The following CNOT4 variants were observed in gnomAD, a reference collection of about 807,000 sequenced individuals.
CNOT4 encodes CCR4-associated factor 4.
In CNOT4, 8 loss-of-function variants were observed where a neutral mutation model predicts 73.8. The ratio of observed to expected loss-of-function variants is 0.11; its 90% CI spans 0.06 to 0.20. CNOT4 has a LOEUF of 0.20. CNOT4 is among the 10% of genes least tolerant of loss of function. The pLI is 1.00. For synonymous variants in CNOT4, 293 were observed against 321.1 expected (o/e 0.91, Z 0.94); for missense variants, 564 against 883.4 (o/e 0.64, Z 4.58).
intron 1 of CNOT4, among the ~76,000 whole-genome samples, chr7:135,492,888 T>C (rs951976267): frequency 1.3e-5 from 2 of 152,250 alleles, no homozygotes; most frequent in African/African-American, 4.8e-5. Flanking sequence ...AGAGGGACCA[T>C]AGTGATATAT....
intron 1 of CNOT4, among the ~76,000 whole-genome samples, chr7:135,479,393 T>C (rs1303092044): frequency 6.6e-6 from 1 of 151,200 alleles, no homozygotes; most frequent in Non-Finnish European, 1.5e-5. Flanking sequence ...ATTTCTTTAG[T>C]AGAGACAGGG....
intron 4 of CNOT4, 55 bp downstream of exon 4, chr7:135,415,121 C>G: frequency 9.8e-7 from 1 of 1,020,136 alleles, no homozygotes; most frequent in Non-Finnish European, 1.5e-6. Context: ...TTGGAACAGC[C>G]CAGGTCAAGC....
chr7:135,397,299 T>C (rs1448884927), intron 8 of CNOT4, among the ~76,000 whole-genome samples: 2 of 152,092 alleles, frequency 1.3e-5, no homozygotes, highest in Admixed American at 6.5e-5. Context: ...AACATTATGA[T>C]GGGATATCAA....
chr7:135,451,166 A>G (rs1800137813), intron 1 of CNOT4, among the ~76,000 whole-genome samples: 1 of 152,226 alleles, frequency 6.6e-6, no homozygotes, highest in African/African-American at 2.4e-5. Context: ...ATGTCTATCA[A>G]TAGGAAAGGC....
At chr7:135,367,148 G>A (rs1215888466) in intron 10 of CNOT4, among the ~76,000 whole-genome samples, 1 of 152,212 alleles carries the variant, frequency 6.6e-6, no homozygotes, top group Non-Finnish European at 1.5e-5. Flanking sequence ...GTCTTTAGAC[G>A]TTGAAAATGT....
rs117906866 is a variant in CNOT4, at chr7:135,366,854, T to C, written c.1628-2788A>G. On this transcript the variant is annotated intron_variant, in intron 10 of 11. Coordinates refer to ENST00000541284, the MANE Select transcript of CNOT4 (RefSeq NM_001190850.2). The stretch of plus-strand genomic sequence containing the variant: ...GGAAATCAGCTTAATCCTAATCCCA[T>C]CAAAATAGCTCATCTCAGTCCGGCC... Among the ~76,000 whole-genome samples the C allele has an allele frequency of 7.3e-3, 1,116 of 152,286 alleles. 6 individuals carry two copies. Among genetic ancestry groups the C allele is most frequent in the Middle Eastern group, 0.027 (8 of 294 alleles).
chr7:135,474,199 T>TG (rs1369183243), intron 1 of CNOT4, among the ~76,000 whole-genome samples: 1 of 151,646 alleles, frequency 6.6e-6, no homozygotes, highest in African/African-American at 2.4e-5. Flanking sequence ...AGGCTGGTCT[T>TG]GAACTCTTGA....
intron 6 of CNOT4, among the ~76,000 whole-genome samples, chr7:135,410,966 G>C (rs1381204819): frequency 6.6e-6 from 1 of 151,808 alleles, no homozygotes; most frequent in South Asian, 2.1e-4. Flanking sequence ...ATTTTTGCTA[G>C]CTCAAAAAGT....
At chr7:135,411,773 A>G (rs1797600174) in intron 6 of CNOT4, among the ~76,000 whole-genome samples, 1 of 151,990 alleles carries the variant, frequency 6.6e-6, no homozygotes, top group African/African-American at 2.4e-5. Flanking sequence ...AAGTGAGGGC[A>G]ATTGCACTTA....
intron 2 of CNOT4, among the ~76,000 whole-genome samples, chr7:135,433,286 A>G (rs1798954983): frequency 6.7e-6 from 1 of 149,590 alleles, no homozygotes; most frequent in African/African-American, 2.5e-5. Flanking sequence ...TTTTGCTATT[A>G]TATTTTAATT....
At chr7:135,472,977 G>A (rs1485386109) in intron 1 of CNOT4, among the ~76,000 whole-genome samples, 1 of 151,860 alleles carries the variant, frequency 6.6e-6, no homozygotes, top group East Asian at 1.9e-4. Flanking sequence ...GGAGGCCGAG[G>A]GTGCAGTGCG....
chr7:135,393,605 A>G (rs939300926), intron 10 of CNOT4, among the ~76,000 whole-genome samples: 1 of 152,176 alleles, frequency 6.6e-6, no homozygotes, highest in Non-Finnish European at 1.5e-5. Flanking sequence ...ACTTTATAGT[A>G]CCATAACTTC....
intron 2 of CNOT4, among the ~76,000 whole-genome samples, chr7:135,432,647 T>C (rs770528243): frequency 3.9e-5 from 6 of 152,220 alleles, no homozygotes; most frequent in Non-Finnish European, 7.3e-5. Flanking sequence ...GGATCTCCTG[T>C]TTCCTTTATC....
intron 1 of CNOT4, among the ~76,000 whole-genome samples, chr7:135,451,335 C>T (rs1487611684): frequency 1.3e-5 from 2 of 152,042 alleles, no homozygotes; most frequent in East Asian, 3.9e-4. Context: ...CATTCTGTAC[C>T]CCAGGCTGGA....
chr7:135,370,602 T>A (rs1164527631), intron 10 of CNOT4, among the ~76,000 whole-genome samples: 2 of 152,204 alleles, frequency 1.3e-5, no homozygotes, highest in Non-Finnish European at 2.9e-5. Flanking sequence ...AAAAGCCTGA[T>A]GGGGACATCC....
intron 10 of CNOT4, chr7:135,388,350 T>G: frequency 2.0e-6 from 2 of 984,082 alleles, no homozygotes; most frequent in South Asian, 4.7e-5. Flanking sequence ...TATTCTTTCT[T>G]CTCAAGTATT....
intron 1 of CNOT4, among the ~76,000 whole-genome samples, chr7:135,443,401 T>C (rs892281927): frequency 6.6e-6 from 1 of 150,870 alleles, no homozygotes; most frequent in African/African-American, 2.4e-5. Flanking sequence ...ATCCTCACAG[T>C]GACTTGGTAA....
chr7:135,469,341 T>C (rs1254247053), intron 1 of CNOT4, among the ~76,000 whole-genome samples: 5 of 152,148 alleles, frequency 3.3e-5, no homozygotes, highest in African/African-American at 1.2e-4. Flanking sequence ...GAATGAACAA[T>C]GCTTCCTGGA....
intron 10 of CNOT4, among the ~76,000 whole-genome samples, chr7:135,381,841 T>G (rs1795863969): frequency 1.3e-5 from 2 of 152,166 alleles, no homozygotes; most frequent in South Asian, 4.1e-4. Flanking sequence ...TTATAAATTA[T>G]ATGAGGGGAA....
Sources: allele counts gnomAD v4.1 joint callset (sites outside exome capture counted in the v4.1 genomes callset), GRCh38; gene constraint gnomAD v4.1.1; transcripts MANE v1.5; gene names NCBI Gene and HGNC (gene_info 2026-07-23, HGNC 2026-07-21).